Variants in CREBRF observed in about 807,000 individuals in gnomAD.
The protein encoded by CREBRF is CREB3 regulatory factor.
Under a neutral mutation model 66.1 loss-of-function variants are expected in CREBRF, and 5 were observed. That is an observed-to-expected ratio of 0.08 (90% CI 0.04 to 0.16). CREBRF has a LOEUF of 0.16. Among genes scored for constraint, CREBRF ranks in the 10% least tolerant of loss-of-function variants. The pLI is 1.00. For synonymous variants in CREBRF, 229 were observed against 264.4 expected, an observed-to-expected ratio of 0.87 and a Z score of 1.30; for missense variants, 531 against 744.9, an observed-to-expected ratio of 0.71 and a Z score of 3.34.
chr5:173,076,596 C>CA, intron 1 of CREBRF, among the ~76,000 whole-genome samples: 2 of 151,710 alleles, frequency 1.3e-5, no homozygotes, highest in Middle Eastern at 6.8e-3. Context: ...ACTAAAAATA[C>CA]AAAAAAATTA....
intron 6 of CREBRF, 96 bp from the exon 7 acceptor site, chr5:173,112,210 C>T (rs1362132868): frequency 1.2e-6 from 1 of 801,858 alleles, no homozygotes; most frequent in Non-Finnish European, 1.9e-6. Flanking sequence ...TGGAGAGTAG[C>T]CTGGGCAACA....
chr5:173,059,856 C>T (rs1309706162), intron 1 of CREBRF, among the ~76,000 whole-genome samples: 1 of 152,142 alleles, frequency 6.6e-6, no homozygotes, highest in East Asian at 1.9e-4. Context: ...TATTCATAAG[C>T]ATAGAAGAGG....
chr5:173,128,597 A>G (rs1267574892), intron 8 of CREBRF, among the ~76,000 whole-genome samples: 1 of 152,004 alleles, frequency 6.6e-6, no homozygotes, highest in Non-Finnish European at 1.5e-5. Flanking sequence ...TTAGTACTAA[A>G]TCTGCATTAT....
intron 7 of CREBRF, among the ~76,000 whole-genome samples, chr5:173,121,115 G>A (rs548902989): frequency 6.6e-6 from 1 of 152,256 alleles, no homozygotes; most frequent in South Asian, 2.1e-4. Context: ...AGATTCTAAA[G>A]TGATAACAAC....
chr5:173,118,368 C>T (rs1284827619), intron 7 of CREBRF, among the ~76,000 whole-genome samples: 1 of 152,128 alleles, frequency 6.6e-6, no homozygotes, highest in African/African-American at 2.4e-5. Context: ...ATCAATTTGT[C>T]AGTTTTTTTA....
chr5:173,084,735 G>A (rs1319488899), intron 2 of CREBRF, among the ~76,000 whole-genome samples: 2 of 152,034 alleles, frequency 1.3e-5, no homozygotes, highest in African/African-American at 2.4e-5. Flanking sequence ...TCCACCTCCC[G>A]GGTTCATGCC....
At chr5:173,068,797 G>A (rs1172362108) in intron 1 of CREBRF, among the ~76,000 whole-genome samples, 1 of 152,030 alleles carries the variant, frequency 6.6e-6, no homozygotes, top group Admixed American at 6.6e-5. Context: ...GGCCAGGCGC[G>A]GTGGCTCACG....
intron 8 of CREBRF, among the ~76,000 whole-genome samples, chr5:173,129,584 G>T (rs992455874): frequency 2.0e-5 from 3 of 151,776 alleles, no homozygotes; most frequent in African/African-American, 7.3e-5. Flanking sequence ...AGTTAGCCAG[G>T]CATGGTGATG....
At chr5:173,062,747 CTTTT>C (rs35042056) in intron 1 of CREBRF, among the ~76,000 whole-genome samples, 2 of 118,714 alleles carry the variant, frequency 1.7e-5, no homozygotes, top group Non-Finnish European at 1.7e-5. Context: ...TAAAATCATT[CTTTT>C]TTTTTTTTTT....
At chr5:173,099,758 A>T (rs549225979) in intron 4 of CREBRF, among the ~76,000 whole-genome samples, 15 of 152,266 alleles carry the variant, frequency 9.9e-5, no homozygotes, top group Non-Finnish European at 2.2e-4. Context: ...TACATAAAAC[A>T]CAAGTCTTTT....
In CREBRF at chr5:173,134,637, G is replaced by A. The variant is rs1759547364; in HGVS notation, c.*892G>A. ...AAGACAAATACTTGCACATTATTGC[G>A]ATTGTTTTATTTTTTGTACCAAAGA... On this transcript the variant is annotated 3_prime_UTR_variant, in exon 9 of 9. Transcript: ENST00000296953. 1.3e-5 allele frequency: 2 copies of A among 152,640 alleles called. No individual in the cohort carries two copies. Among genetic ancestry groups the A allele is most frequent in the Non-Finnish European group, 2.9e-5 (2 of 68,246 alleles). 9.5% of individuals were successfully genotyped at this position (152,640 alleles called of 1,614,324 possible). A position where few individuals can be genotyped will look rare whatever the true frequency, so the allele number is the denominator to read the frequency against.
intron 4 of CREBRF, among the ~76,000 whole-genome samples, chr5:173,098,543 G>A (rs1221277536): frequency 6.6e-6 from 1 of 152,148 alleles, no homozygotes; most frequent in African/African-American, 2.4e-5. Flanking sequence ...ACTAGAGAAT[G>A]TTCTGTCTGT....
chr5:173,093,623 C>A (rs2113744044), intron 4 of CREBRF, among the ~76,000 whole-genome samples: 1 of 152,278 alleles, frequency 6.6e-6, no homozygotes, highest in East Asian at 1.9e-4. Flanking sequence ...CTCAAGCCAC[C>A]CTCCCACCAC....
At chr5:173,059,024 T>C (rs1757175725) in intron 1 of CREBRF, among the ~76,000 whole-genome samples, 3 of 151,608 alleles carry the variant, frequency 2.0e-5, no homozygotes, top group Non-Finnish European at 4.4e-5. Context: ...GTCTCGAACT[T>C]CTGGCTTTAG....
intron 7 of CREBRF, among the ~76,000 whole-genome samples, chr5:173,120,226 A>G (rs1048884889): frequency 1.3e-5 from 2 of 152,082 alleles, no homozygotes; most frequent in African/African-American, 4.8e-5. Flanking sequence ...TATAAGATCA[A>G]TTTTATTTCT....
chr5:173,110,429 A>C, intron 5 of CREBRF, 93 bp from the exon 6 acceptor site: 1 of 843,148 alleles, frequency 1.2e-6, no homozygotes, highest in Admixed American at 1.8e-5. Context: ...AAGAAAAGGT[A>C]GTGGTGGGAA....
chr5:173,085,687 G>C lies in CREBRF; in HGVS notation c.10-814G>C, dbSNP rs1269505072. 7 of 707,524 alleles carry C rather than the reference G, an allele frequency of 9.9e-6. No individual in the cohort carries two copies. In the African/African-American group the frequency reaches 1.2e-4, roughly 12 times the overall value. 43.8% of individuals were successfully genotyped at this position (707,524 alleles called of 1,614,324 possible). On this transcript the variant is annotated intron_variant, in intron 2 of 8. Transcript: ENST00000296953. ...CCACCTGAGCCTCCCAAAGTGCTGG[G>C]ATTACAGGCGTGAGCCACCGCACCC...
rs1242259382 is a variant in CREBRF, at chr5:173,092,461, T to C, written c.1222+1060T>C. The stretch of plus-strand genomic sequence containing the variant: ...TGGCGCTGTTGGCTTGTGCAGTTTA[T>C]TTATAAAAATAGTATTGCCAAGTGG... On this transcript the variant is annotated intron_variant, in intron 4 of 8. Coordinates refer to ENST00000296953, the MANE Select transcript of CREBRF (RefSeq NM_153607.3). 5.1e-6 allele frequency: 5 copies of C among 973,134 alleles called. No homozygotes were observed. The African/African-American group carries it at 5.3e-5, about 10-fold the overall frequency. 60.3% of individuals were successfully genotyped at this position (973,134 alleles called of 1,614,324 possible).
chr5:173,086,266 T>C, intron 2 of CREBRF: 1 of 693,168 alleles, frequency 1.4e-6, no homozygotes, highest in Non-Finnish European at 2.6e-6. Context: ...CCTCAGCTTC[T>C]CCACTGGGGC....
Sources: allele counts gnomAD v4.1 joint callset (sites outside exome capture counted in the v4.1 genomes callset), GRCh38; gene constraint gnomAD v4.1.1; transcripts MANE v1.5; gene names NCBI Gene and HGNC (gene_info 2026-07-23, HGNC 2026-07-21).